Variants in TFCP2L1 observed in about 807,000 individuals in gnomAD.
TFCP2L1 encodes the protein transcription factor CP2-like protein 1.
A neutral mutation model predicts 72.2 loss-of-function variants in TFCP2L1; 12 were observed. That is an observed-to-expected ratio of 0.17 (90% confidence interval 0.11 to 0.27). The LOEUF is 0.27. Among genes scored for constraint, TFCP2L1 ranks in the 10% least tolerant of loss-of-function variants. The pLI is 1.00. For synonymous variants in TFCP2L1, 260 were observed against 251.0 expected (o/e 1.04, Z -0.34); for missense variants, 488 against 624.6 (o/e 0.78, Z 2.33).
chr2:121,247,038 G>GC, intron 5 of TFCP2L1, 68 bp from the exon 6 acceptor site: 2 of 1,580,496 alleles, frequency 1.3e-6, no homozygotes, highest in Admixed American at 3.6e-5. Flanking sequence ...TCCCCCAAGC[G>GC]CCCCCTCTAT....
At chr2:121,230,440 G>A (rs1010253856) in intron 13 of TFCP2L1, among the ~76,000 whole-genome samples, 7 of 152,016 alleles carry the variant, frequency 4.6e-5, no homozygotes, top group Non-Finnish European at 8.8e-5. Flanking sequence ...CCAAAGTGCT[G>A]GGATTACAGG....
chr2:121,249,262 C>CA (rs150382855), intron 3 of TFCP2L1, among the ~76,000 whole-genome samples, 175 bp from the exon 4 acceptor site: 1,825 of 152,300 alleles, frequency 0.012, 52 homozygotes, highest in African/African-American at 0.042. Context: ...GTAACACTAA[C>CA]AACAGCAACA....
intron 2 of TFCP2L1, among the ~76,000 whole-genome samples, chr2:121,250,399 T>C (rs979049562): frequency 2.0e-5 from 3 of 151,458 alleles, no homozygotes; most frequent in African/African-American, 7.3e-5. Context: ...TGTGTATATA[T>C]ATATAATCTC....
intron 2 of TFCP2L1, among the ~76,000 whole-genome samples, chr2:121,275,628 T>C (rs932735995): frequency 6.7e-6 from 1 of 148,844 alleles, no homozygotes; most frequent in Admixed American, 6.8e-5. Context: ...TAGAGTGCAG[T>C]GGCTCAATCT....
intron 6 of TFCP2L1, among the ~76,000 whole-genome samples, chr2:121,244,932 C>T (rs1056657208): frequency 2.0e-5 from 3 of 152,184 alleles, no homozygotes; most frequent in African/African-American, 7.2e-5. Flanking sequence ...AGAAATACCA[C>T]AGGGCCGCCA....
At chr2:121,272,817 C>T (rs1218689077) in intron 2 of TFCP2L1, among the ~76,000 whole-genome samples, 1 of 152,152 alleles carries the variant, frequency 6.6e-6, no homozygotes, top group African/African-American at 2.4e-5. Context: ...TTTACTTCCC[C>T]CATCTCACAG....
chr2:121,239,544 G>A lies in TFCP2L1; in HGVS notation c.860+14C>T, dbSNP rs41278936. The A allele has an allele frequency of 0.048, 77,499 of 1,613,788 alleles. 2,602 individuals are homozygous for A. The highest frequency in any genetic ancestry group is 0.17 in the African/African-American group (12,387 of 75,006). On this transcript the variant is annotated intron_variant, in intron 8 of 14. Transcript: ENST00000263707. ...TCATTTCAGGGAACCCGAAGAAAGA[G>A]AGGTGGGACGTACCCTTCGCCGAGG...
At chr2:121,246,104 G>T (rs1296775039) in intron 6 of TFCP2L1, among the ~76,000 whole-genome samples, 3 of 152,190 alleles carry the variant, frequency 2.0e-5, no homozygotes, top group African/African-American at 4.8e-5. Flanking sequence ...GCCTACAGGG[G>T]CTGGGGACTG....
Position 121,225,547 on chromosome 2 carries a change from AG to A in TFCP2L1, c.1393+14del, listed in dbSNP as rs1276369720. ...CTGCCCCCACAACTACCCTAGGGGG[AG>A]GGGGAGGCTTCACCTTTAATTGTGC... On this transcript the variant is annotated intron_variant, in intron 14 of 14. Transcript: ENST00000263707. The A allele has an allele frequency of 6.2e-7, 1 of 1,611,868 alleles. No individual in the cohort carries two copies. Among genetic ancestry groups the A allele is most frequent in the Middle Eastern group, 1.7e-4 (1 of 6,050 alleles).
intron 10 of TFCP2L1, among the ~76,000 whole-genome samples, chr2:121,236,210 G>C (rs973858868): frequency 6.6e-5 from 10 of 152,160 alleles, no homozygotes; most frequent in African/African-American, 2.4e-4. Flanking sequence ...CTCTCTGAAC[G>C]TTCTCATACA....
At chr2:121,233,078 G>A (rs541637865) in intron 12 of TFCP2L1, among the ~76,000 whole-genome samples, 20 of 152,310 alleles carry the variant, frequency 1.3e-4, no homozygotes, top group Admixed American at 2.0e-4. Flanking sequence ...AGCACTCTGC[G>A]TGGCCAAGGC....
At chr2:121,271,080 C>T (rs189366937) in intron 2 of TFCP2L1, among the ~76,000 whole-genome samples, 16 of 151,440 alleles carry the variant, frequency 1.1e-4, no homozygotes, top group South Asian at 2.1e-4. Flanking sequence ...ATCCCAGCTA[C>T]TTGAGAGGCT....
intron 1 of TFCP2L1, among the ~76,000 whole-genome samples, chr2:121,284,546 C>G (rs1687327092): frequency 6.6e-6 from 1 of 152,240 alleles, no homozygotes; most frequent in African/African-American, 2.4e-5. Context: ...GCGGCCTGCC[C>G]CTCCGAGCCC....
At chr2:121,227,094 G>T (rs1686045497) in intron 13 of TFCP2L1, among the ~76,000 whole-genome samples, 3 of 152,168 alleles carry the variant, frequency 2.0e-5, no homozygotes, top group Admixed American at 2.0e-4. Context: ...AACAAAATGT[G>T]AAATGAAAGA....
Position 121,246,915 on chromosome 2 carries a change from A to T in TFCP2L1, c.560T>A (p.Val187Glu). Residue 187 changes from valine to glutamate, a missense_variant, in exon 6 of 15, where the codon GTG becomes GAG. Coordinates refer to ENST00000263707, the MANE Select transcript of TFCP2L1 (RefSeq NM_014553.3). ...CGTGTCAATCTGGACTCGAAAGGGC[A>T]CTCCCTTCTCGCCCCCGTGCTTCCT... is the stretch of plus-strand genomic sequence containing the variant. Reference protein sequence around the residue: ...TPRKHGGEKGVPFRVQIDTFK... With the variant: ...TPRKHGGEKGEPFRVQIDTFK... 6.2e-7 allele frequency: 1 copy of T among 1,613,512 alleles called. No homozygotes were observed. The highest frequency in any genetic ancestry group is 8.5e-7 in the Non-Finnish European group (1 of 1,179,888).
chr2:121,261,128 T>C (rs772290688), intron 2 of TFCP2L1, among the ~76,000 whole-genome samples: 1 of 152,124 alleles, frequency 6.6e-6, no homozygotes, highest in Non-Finnish European at 1.5e-5. Flanking sequence ...CAGAAGAAGA[T>C]GGTATGCTTC....
chr2:121,251,260 GAA>G (rs879262627), intron 2 of TFCP2L1, among the ~76,000 whole-genome samples: 2 of 135,560 alleles, frequency 1.5e-5, no homozygotes, highest in African/African-American at 5.4e-5. Flanking sequence ...GGTCTCAAAA[GAA>G]AAAAAAAAAA....
intron 6 of TFCP2L1, among the ~76,000 whole-genome samples, chr2:121,242,975 G>A (rs1395094957): frequency 1.3e-5 from 2 of 152,140 alleles, no homozygotes; most frequent in African/African-American, 2.4e-5. Flanking sequence ...TTTGCAAACC[G>A]GGGCAACTTT....
At chr2:121,250,669 C>T (rs1024885465) in intron 2 of TFCP2L1, among the ~76,000 whole-genome samples, 22 of 149,868 alleles carry the variant, frequency 1.5e-4, no homozygotes, top group African/African-American at 5.1e-4. Context: ...TGCAGTGGCA[C>T]GATCTTGGCT....
Sources: gnomAD v4.1 joint callset for allele counts (sites outside exome capture counted in the v4.1 genomes callset) on GRCh38, gnomAD v4.1.1 for gene constraint, MANE v1.5 for transcripts, NCBI Gene and HGNC (gene_info 2026-07-23, HGNC 2026-07-21) for gene names.